The following AKAP19 variants were observed in gnomAD, a reference collection of about 807,000 sequenced individuals.
AKAP19 encodes small A-kinase anchoring protein.
the AKAP19 span, among the ~76,000 whole-genome samples, chr2:190,146,941 T>C: frequency 3.3e-5 from 5 of 152,256 alleles, no homozygotes; most frequent in Non-Finnish European, 7.3e-5. Flanking sequence ...TTTCTCCCAC[T>C]TTGTGGGTTC....
the AKAP19 span, among the ~76,000 whole-genome samples, chr2:190,158,253 A>G: frequency 6.6e-6 from 1 of 152,306 alleles, no homozygotes; most frequent in East Asian, 1.9e-4. Context: ...CAATGCTCCC[A>G]GCTGAATAAA....
the AKAP19 span, among the ~76,000 whole-genome samples, chr2:189,957,626 T>C: frequency 1.3e-5 from 2 of 152,218 alleles, no homozygotes; most frequent in Non-Finnish European, 2.9e-5. Flanking sequence ...TAGAAACCAC[T>C]ATGACAGTTT....
chr2:190,011,363 A>G, the AKAP19 span, among the ~76,000 whole-genome samples: 1 of 152,088 alleles, frequency 6.6e-6, no homozygotes, highest in Non-Finnish European at 1.5e-5. Context: ...ACCCAGCACC[A>G]TTCTGTCATT....
At chr2:190,089,090 T>C in the AKAP19 span, among the ~76,000 whole-genome samples, 4 of 152,324 alleles carry the variant, frequency 2.6e-5, no homozygotes, top group Admixed American at 2.6e-4. Context: ...CATGTTGTAG[T>C]TGATTGTGTG....
the AKAP19 span, among the ~76,000 whole-genome samples, chr2:189,991,948 T>C: frequency 6.6e-6 from 1 of 152,194 alleles, no homozygotes; most frequent in Non-Finnish European, 1.5e-5. Context: ...ATTTGTTGAA[T>C]AGGGTGTCCT....
the AKAP19 span, chr2:190,060,113 C>T: frequency 6.2e-7 from 1 of 1,612,822 alleles, no homozygotes; most frequent in Admixed American, 1.7e-5. Flanking sequence ...CATGACCATT[C>T]TCATCTAAAG....
chr2:189,912,003 G>A, the AKAP19 span, among the ~76,000 whole-genome samples: 8 of 151,376 alleles, frequency 5.3e-5, no homozygotes, highest in African/African-American at 1.7e-4. Flanking sequence ...TAATATATAT[G>A]TATATCCAGT....
the AKAP19 span, among the ~76,000 whole-genome samples, chr2:190,155,513 G>T: frequency 2.6e-5 from 4 of 152,174 alleles, no homozygotes; most frequent in Non-Finnish European, 5.9e-5. Context: ...CTAGAAGAGG[G>T]TAAGGTCCTA....
At chr2:189,897,326 A>T in the AKAP19 span, among the ~76,000 whole-genome samples, 2 of 152,184 alleles carry the variant, frequency 1.3e-5, no homozygotes, top group Non-Finnish European at 2.9e-5. Flanking sequence ...GCTATTCATC[A>T]TGACAGTGTT....
chr2:190,057,180 A>G, the AKAP19 span: 3 of 1,514,556 alleles, frequency 2.0e-6, no homozygotes, highest in Admixed American at 3.4e-5. Flanking sequence ...AGCCTGTGGT[A>G]CTTAATTTCA....
At chr2:189,997,234 C>A in the AKAP19 span, among the ~76,000 whole-genome samples, 1 of 152,176 alleles carries the variant, frequency 6.6e-6, no homozygotes, top group East Asian at 1.9e-4. Context: ...AGCCAGGAGG[C>A]ACTTTCAAGA....
chr2:190,157,398 C>T, the AKAP19 span, among the ~76,000 whole-genome samples: 1 of 23,204 alleles, frequency 4.3e-5, no homozygotes. Context: ...ACACACATAT[C>T]ACAGGATGCT....
chr2:189,891,563 C>A, the AKAP19 span, among the ~76,000 whole-genome samples: 1 of 152,110 alleles, frequency 6.6e-6, no homozygotes, highest in African/African-American at 2.4e-5. Flanking sequence ...TTGGCCCGCG[C>A]TCTCTTCTGG....
chr2:189,882,676 C>G, the AKAP19 span, among the ~76,000 whole-genome samples: 2 of 152,136 alleles, frequency 1.3e-5, no homozygotes, highest in Non-Finnish European at 2.9e-5. Flanking sequence ...GGATGACTTT[C>G]TGTCCGAAAC....
chr2:190,049,818 T>A, the AKAP19 span, among the ~76,000 whole-genome samples: 1 of 152,266 alleles, frequency 6.6e-6, no homozygotes, highest in African/African-American at 2.4e-5. Context: ...TAGATAAATA[T>A]GTGTATAGCA....
the AKAP19 span, among the ~76,000 whole-genome samples, chr2:190,019,337 A>G: frequency 3.3e-5 from 5 of 152,062 alleles, no homozygotes; most frequent in Non-Finnish European, 7.4e-5. Flanking sequence ...GGGCAGATCT[A>G]TCTTCTGCCC....
chr2:189,934,558 T>C, the AKAP19 span, among the ~76,000 whole-genome samples: 1 of 151,928 alleles, frequency 6.6e-6, no homozygotes, highest in African/African-American at 2.4e-5. Flanking sequence ...CAATTACCTA[T>C]ATTTAAATCT....
the AKAP19 span, among the ~76,000 whole-genome samples, chr2:189,940,426 A>ATG: frequency 2.0e-5 from 3 of 147,308 alleles, no homozygotes; most frequent in Non-Finnish European, 4.6e-5. Flanking sequence ...AGCCTGGGCA[A>ATG]CGGGGGGGAA....
chr2:190,124,480 A>AGT, the AKAP19 span, among the ~76,000 whole-genome samples: 1 of 151,896 alleles, frequency 6.6e-6, no homozygotes, highest in African/African-American at 2.4e-5. Flanking sequence ...AAACTACAGC[A>AGT]TAAAAGATTT....
Sources: allele counts gnomAD v4.1 joint callset (sites outside exome capture counted in the v4.1 genomes callset), GRCh38; gene constraint gnomAD v4.1.1; transcripts MANE v1.5; gene names NCBI Gene and HGNC (gene_info 2026-07-23, HGNC 2026-07-21).